The following SCGN variants were observed in gnomAD, a reference collection of about 807,000 sequenced individuals.
SCGN encodes secretagogin, EF-hand calcium binding protein.
A neutral mutation model predicts 39.7 loss-of-function variants in SCGN; 30 were observed. The observed-to-expected ratio is 0.76, with a 90% CI of 0.57 to 1.03. The LOEUF (loss-of-function observed/expected upper bound fraction) is 1.03. Among genes scored for constraint, SCGN ranks in the 50% least tolerant of loss-of-function variants. SCGN has a pLI of 0.00. For missense variants in SCGN, 353 were observed against 349.4 expected (o/e 1.01, Z -0.08); for synonymous variants, 106 against 114.1 (o/e 0.93, Z 0.45).
At chr6:25,689,615 A>G in intron 9 of SCGN, 83 bp downstream of exon 9, 1 of 1,162,520 alleles carries the variant, frequency 8.6e-7, no homozygotes, top group South Asian at 1.3e-5. Context: ...CTTACCCAAC[A>G]GACCCTAAAC....
intron 6 of SCGN, among the ~76,000 whole-genome samples, chr6:25,671,441 C>T (rs144476043): frequency 1.0e-3 from 154 of 152,314 alleles, no homozygotes; most frequent in African/African-American, 3.5e-3. Context: ...AGTGAGTCTC[C>T]GCTGGGAAGA....
chr6:25,676,154 A>G (rs1010924786), intron 6 of SCGN, among the ~76,000 whole-genome samples: 3 of 152,174 alleles, frequency 2.0e-5, no homozygotes, highest in Non-Finnish European at 2.9e-5. Context: ...TTTAAATTAC[A>G]TTCTAAATCT....
chr6:25,677,910 AT>A (rs1759586533), intron 6 of SCGN, among the ~76,000 whole-genome samples: 1 of 152,210 alleles, frequency 6.6e-6, no homozygotes, highest in African/African-American at 2.4e-5. Context: ...TTAAGAAAAT[AT>A]CTATTGACAG....
chr6:25,684,266 G>A (rs922417514), intron 7 of SCGN, among the ~76,000 whole-genome samples: 4 of 152,114 alleles, frequency 2.6e-5, no homozygotes, highest in African/African-American at 9.7e-5. Context: ...TGGAGTTACA[G>A]TAGCACTGAA....
intron 6 of SCGN, among the ~76,000 whole-genome samples, chr6:25,675,870 A>G (rs185328476): frequency 3.9e-5 from 6 of 152,338 alleles, no homozygotes; most frequent in South Asian, 4.1e-4. Context: ...TTGAAGACCA[A>G]CTAAAGGCTG....
chr6:25,675,415 A>G lies in SCGN; in HGVS notation c.471+5339A>G, dbSNP rs191345327. Among the ~76,000 whole-genome samples, 14 of 152,336 alleles carry G rather than the reference A, an allele frequency of 9.2e-5. No homozygotes were observed. The East Asian group carries it at 2.7e-3, about 29-fold the overall frequency. On this transcript the variant is annotated intron_variant, in intron 6 of 10. Transcript: ENST00000377961. ...GGTTGCTTGGCAACGGTTATGTGCA[A>G]TCCTAAGTTTGTTCTGCCTCTGTAT...
intron 7 of SCGN, among the ~76,000 whole-genome samples, chr6:25,687,918 T>G (rs1759725950): frequency 6.6e-6 from 1 of 152,228 alleles, no homozygotes; most frequent in Non-Finnish European, 1.5e-5. Context: ...TTATATCAAA[T>G]CTAATTGTGG....
At chr6:25,672,454 G>C (rs1389722074) in intron 6 of SCGN, among the ~76,000 whole-genome samples, 1 of 152,204 alleles carries the variant, frequency 6.6e-6, no homozygotes, top group Non-Finnish European at 1.5e-5. Context: ...AGGGGACTGG[G>C]AAGAAGGGGT....
At chr6:25,671,936 C>T (rs1759502746) in intron 6 of SCGN, among the ~76,000 whole-genome samples, 1 of 152,260 alleles carries the variant, frequency 6.6e-6, no homozygotes, top group Non-Finnish European at 1.5e-5. Flanking sequence ...GAATCTCCAG[C>T]ATGTTGCCAG....
intron 7 of SCGN, among the ~76,000 whole-genome samples, chr6:25,682,938 C>CA (rs1322981112): frequency 6.6e-6 from 1 of 152,208 alleles, no homozygotes; most frequent in South Asian, 2.1e-4. Flanking sequence ...GCAGCTACCT[C>CA]AGCCAGGTTT....
Position 25,653,375 on chromosome 6 carries a change from C to T in SCGN, c.83-7C>T, listed in dbSNP as rs777853978. ...AGTATTATTTATGTTTATTTTCTCA[C>T]ATTTAGAAAAAGGTTACATAGAAGA... On this transcript the variant is annotated splice_region_variant and splice_polypyrimidine_tract_variant and intron_variant, in intron 1 of 10. Transcript: ENST00000377961. 45 of 1,582,002 alleles carry T rather than the reference C, an allele frequency of 2.8e-5. No individual in the cohort carries two copies. The highest frequency in any genetic ancestry group is 3.7e-5 in the Non-Finnish European group (43 of 1,152,578).
intron 7 of SCGN, among the ~76,000 whole-genome samples, chr6:25,685,871 A>G (rs939641799): frequency 1.3e-5 from 2 of 152,188 alleles, no homozygotes; most frequent in African/African-American, 2.4e-5. Flanking sequence ...TGCCAGAAGG[A>G]TACCCAGTAC....
At chr6:25,688,102 G>A (rs1052414041) in intron 7 of SCGN, among the ~76,000 whole-genome samples, 17 of 152,252 alleles carry the variant, frequency 1.1e-4, no homozygotes, top group African/African-American at 4.1e-4. Flanking sequence ...AAGCAAAAAA[G>A]TTACACACAA....
rs2151375983 is a variant in SCGN at position 25,653,395 on chromosome 6, A to G, written c.96A>G (p.Ile32Met). 6.2e-7 allele frequency: 1 copy of G among 1,610,912 alleles called. No homozygotes were observed. Among genetic ancestry groups the G allele is most frequent in the African/African-American group, 1.3e-5 (1 of 74,986 alleles). The change falls in exon 2 of 11, where the codon ATA (isoleucine) becomes ATG (methionine). Residue 32 changes from isoleucine (I) to methionine (M), a missense_variant. Ile to Met is a conservative substitution (Grantham distance 10, BLOSUM62 1). Transcript: ENST00000377961. ...TCTCACATTTAGAAAAAGGTTACAT[A>G]GAAGAGAAGGAACTCGATGCTTTCT... is the stretch of plus-strand genomic sequence containing the variant. ...QRFDADEKGY[I>M]EEKELDAFFL... is the part of the protein sequence containing the mutation.
At chr6:25,681,775 A>G (rs1759639902) in intron 6 of SCGN, among the ~76,000 whole-genome samples, 176 bp from the exon 7 acceptor site, 1 of 152,244 alleles carries the variant, frequency 6.6e-6, no homozygotes, top group African/African-American at 2.4e-5. Flanking sequence ...TCATCCTAAC[A>G]GAGAGGCTGA....
intron 6 of SCGN, among the ~76,000 whole-genome samples, chr6:25,679,484 G>C (rs577244481): frequency 1.7e-5 from 1 of 58,814 alleles, no homozygotes; most frequent in South Asian, 6.4e-4. Context: ...CCGTGGGCAG[G>C]TGTGTGTGTG....
intron 6 of SCGN, among the ~76,000 whole-genome samples, chr6:25,670,532 C>T (rs1268123342): frequency 6.6e-6 from 1 of 152,236 alleles, no homozygotes; most frequent in East Asian, 1.9e-4. Flanking sequence ...CTGCCACTTA[C>T]TAGCTATGAT....
At chr6:25,669,932 G>T in intron 5 of SCGN, 67 bp from the exon 6 acceptor site, 2 of 1,212,754 alleles carry the variant, frequency 1.6e-6, no homozygotes, top group East Asian at 2.3e-5. Context: ...TTGAAATAAG[G>T]CCTTTTAAGA....
At chr6:25,696,744 C>T (rs1582590934) in intron 10 of SCGN, among the ~76,000 whole-genome samples, 1 of 152,162 alleles carries the variant, frequency 6.6e-6, no homozygotes, top group East Asian at 1.9e-4. Flanking sequence ...TTTTCTTCCC[C>T]TCACTACCCA....
Sources: allele counts gnomAD v4.1 joint callset (sites outside exome capture counted in the v4.1 genomes callset), GRCh38; gene constraint gnomAD v4.1.1; transcripts MANE v1.5; gene names NCBI Gene and HGNC (gene_info 2026-07-23, HGNC 2026-07-21).